Variants in CNTN4 observed in about 807,000 individuals in gnomAD.
The protein encoded by CNTN4 is contactin-4.
CNTN4 carries 77 observed loss-of-function variants against 122.5 expected under a neutral mutation model. The ratio of observed to expected loss-of-function variants is 0.63; its 90% confidence interval spans 0.52 to 0.76. The LOEUF is 0.76. CNTN4 is among the 30% of genes least tolerant of loss of function. CNTN4 has a pLI of 0.00. For missense variants in CNTN4, 1,256 were observed against 1,259.1 expected (o/e 1.00, Z 0.04); for synonymous variants, 512 against 447.0 (o/e 1.15, Z -1.83).
At chr3:2,782,465 C>CTCTGTGTGTGTG (rs1553638510) in intron 6 of CNTN4, among the ~76,000 whole-genome samples, 1 of 133,212 alleles carries the variant, frequency 7.5e-6, no homozygotes, top group Non-Finnish European at 1.6e-5. Flanking sequence ...CCTTCTTATT[C>CTCTGTGTGTGTG]TGTGTGTGTG....
intron 10 of CNTN4, among the ~76,000 whole-genome samples, chr3:2,890,023 A>G (rs531279798): frequency 2.6e-5 from 4 of 152,202 alleles, no homozygotes; most frequent in Admixed American, 6.5e-5. Context: ...TGGGAAAAAG[A>G]GCAGAATAAA....
intron 3 of CNTN4, among the ~76,000 whole-genome samples, chr3:2,428,458 G>C (rs1301917662): frequency 2.6e-5 from 4 of 152,156 alleles, no homozygotes; most frequent in Non-Finnish European, 4.4e-5. Context: ...AGTCTGATGG[G>C]CTTCTCTTAG....
intron 2 of CNTN4, among the ~76,000 whole-genome samples, chr3:2,151,736 G>A (rs969866522): frequency 6.6e-6 from 1 of 152,086 alleles, no homozygotes; most frequent in Non-Finnish European, 1.5e-5. Flanking sequence ...AGTGGGACTG[G>A]TGGCTTTATA....
At chr3:2,181,886 A>G (rs2037033075) in intron 2 of CNTN4, among the ~76,000 whole-genome samples, 2 of 152,126 alleles carry the variant, frequency 1.3e-5, no homozygotes, top group Admixed American at 6.6e-5. Flanking sequence ...GTATAACACT[A>G]CATAAGCAAA....
chr3:2,729,543 C>CAA (rs377584644), intron 4 of CNTN4, among the ~76,000 whole-genome samples: 4,880 of 69,604 alleles, frequency 0.07, 285 homozygotes, highest in Non-Finnish European at 0.079. Context: ...GACTCCATCT[C>CAA]AAAAAAAAAA....
chr3:2,437,183 A>G (rs988153166), intron 3 of CNTN4, among the ~76,000 whole-genome samples: 7 of 152,144 alleles, frequency 4.6e-5, no homozygotes, highest in East Asian at 1.9e-4. Context: ...TAAGAACTGT[A>G]TATTCCTCAG....
At chr3:2,392,972 A>C (rs1191478620) in intron 3 of CNTN4, among the ~76,000 whole-genome samples, 1 of 152,200 alleles carries the variant, frequency 6.6e-6, no homozygotes, top group Non-Finnish European at 1.5e-5. Context: ...GTAACAAAGT[A>C]CCACAAACTG....
chr3:2,749,783 C>G (rs1576654556), intron 6 of CNTN4, among the ~76,000 whole-genome samples: 2 of 152,140 alleles, frequency 1.3e-5, no homozygotes, highest in South Asian at 4.2e-4. Context: ...ATGTTTTTCC[C>G]TATCTTTTGT....
At chr3:2,843,119 G>C (rs537869907) in intron 7 of CNTN4, among the ~76,000 whole-genome samples, 1 of 152,060 alleles carries the variant, frequency 6.6e-6, no homozygotes, top group Non-Finnish European at 1.5e-5. Context: ...GCATCTCAAA[G>C]GTAATATGAC....
intron 6 of CNTN4, among the ~76,000 whole-genome samples, chr3:2,812,824 T>C (rs1324104418): frequency 1.3e-5 from 2 of 152,170 alleles, no homozygotes; most frequent in Non-Finnish European, 2.9e-5. Context: ...AAGTGAGAAT[T>C]GAAGTTCAAG....
chr3:2,500,540 A>G (rs2076568395), intron 3 of CNTN4, among the ~76,000 whole-genome samples: 2 of 152,046 alleles, frequency 1.3e-5, no homozygotes, highest in South Asian at 2.1e-4. Flanking sequence ...ATTTCTTTGT[A>G]AATACTTGCT....
intron 4 of CNTN4, among the ~76,000 whole-genome samples, chr3:2,575,929 C>T (rs1245108471): frequency 4.0e-5 from 6 of 149,612 alleles, no homozygotes; most frequent in African/African-American, 1.5e-4. Context: ...CCACACCATT[C>T]TCCTGCATCA....
intron 7 of CNTN4, among the ~76,000 whole-genome samples, chr3:2,854,490 C>T (rs2093597047): frequency 2.0e-5 from 3 of 151,932 alleles, no homozygotes; most frequent in Admixed American, 6.6e-5. Context: ...CCGGGCTGGT[C>T]TCGATCTCCT....
intron 3 of CNTN4, among the ~76,000 whole-genome samples, chr3:2,545,291 C>T (rs1008817660): frequency 6.6e-6 from 1 of 151,958 alleles, no homozygotes; most frequent in African/African-American, 2.4e-5. Context: ...ATTGTGTGGT[C>T]AAATTTAGAG....
intron 6 of CNTN4, among the ~76,000 whole-genome samples, chr3:2,769,195 G>A (rs1215952406): frequency 1.3e-5 from 2 of 152,146 alleles, no homozygotes; most frequent in African/African-American, 4.8e-5. Context: ...CAGGCACGGT[G>A]GCTCACACGT....
At chr3:2,326,519 C>CACACACACACAT (rs537814755) in intron 2 of CNTN4, among the ~76,000 whole-genome samples, 114 of 140,116 alleles carry the variant, frequency 8.1e-4, no homozygotes, top group Non-Finnish European at 1.2e-3. Context: ...CACACACACA[C>CACACACACACAT]ACACACACAA....
chr3:2,979,046 G>A (rs1693699585), intron 13 of CNTN4, among the ~76,000 whole-genome samples: 1 of 152,238 alleles, frequency 6.6e-6, no homozygotes, highest in Non-Finnish European at 1.5e-5. Context: ...AAAGGTAGAG[G>A]AGGAAGCAAG....
chr3:2,828,136 T>G (rs1483364049), intron 7 of CNTN4, among the ~76,000 whole-genome samples: 1 of 152,238 alleles, frequency 6.6e-6, no homozygotes, highest in East Asian at 1.9e-4. Flanking sequence ...TGTATGTGTG[T>G]GTGTGTGCGT....
chr3:2,862,802 G>T (rs2093684378), intron 7 of CNTN4, among the ~76,000 whole-genome samples: 1 of 152,104 alleles, frequency 6.6e-6, no homozygotes, highest in Non-Finnish European at 1.5e-5. Context: ...TGTTGATAGT[G>T]CTTCATGTAA....
Sources: gnomAD v4.1 joint callset for allele counts (sites outside exome capture counted in the v4.1 genomes callset) on GRCh38, gnomAD v4.1.1 for gene constraint, MANE v1.5 for transcripts, NCBI Gene and HGNC (gene_info 2026-07-23, HGNC 2026-07-21) for gene names.